The following CNBD1 variants were observed in gnomAD, a reference collection of about 807,000 sequenced individuals.
The protein encoded by CNBD1 is cyclic nucleotide-binding domain-containing protein 1.
In CNBD1, 71 loss-of-function variants were observed where a neutral mutation model predicts 54.4. That is an observed-to-expected ratio of 1.30 (90% CI 1.08 to 1.59). CNBD1 has a LOEUF of 1.59. Ranked by LOEUF, CNBD1 falls within the 40% of genes most tolerant of loss-of-function variation. The pLI is 0.00. For synonymous variants in CNBD1, 182 were observed against 170.7 expected (o/e 1.07, Z -0.51); for missense variants, 659 against 518.0 (o/e 1.27, Z -2.64).
chr8:87,213,123 G>A (rs1814135960), intron 5 of CNBD1, among the ~76,000 whole-genome samples: 1 of 152,154 alleles, frequency 6.6e-6, no homozygotes, highest in Non-Finnish European at 1.5e-5. Flanking sequence ...TTGTCATTAA[G>A]CAATTCCAAA....
intron 2 of CNBD1, among the ~76,000 whole-genome samples, chr8:87,399,737 G>A (rs78854360): frequency 0.015 from 2,280 of 152,066 alleles, 58 homozygotes; most frequent in African/African-American, 0.049. Flanking sequence ...GGGGCATTAT[G>A]GGATCTGGAG....
At chr8:87,329,433 G>T (rs530639145) in intron 8 of CNBD1, among the ~76,000 whole-genome samples, 1 of 152,030 alleles carries the variant, frequency 6.6e-6, no homozygotes, top group African/African-American at 2.4e-5. Context: ...GTCAATGTCT[G>T]CAAGGTAGCT....
At chr8:87,069,216 T>G (rs1810713859) in intron 4 of CNBD1, among the ~76,000 whole-genome samples, 1 of 152,090 alleles carries the variant, frequency 6.6e-6, no homozygotes, top group African/African-American at 2.4e-5. Flanking sequence ...TTACCCTGGC[T>G]GCCTCTGCTG....
chr8:87,081,575 G>A (rs780074033), intron 4 of CNBD1, among the ~76,000 whole-genome samples: 2 of 149,850 alleles, frequency 1.3e-5, no homozygotes, highest in South Asian at 2.1e-4. Flanking sequence ...GCGCGACCTC[G>A]GCTCACTGCA....
At chr8:86,971,951 A>G (rs564281909) in intron 4 of CNBD1, among the ~76,000 whole-genome samples, 31 of 152,094 alleles carry the variant, frequency 2.0e-4, no homozygotes, top group Admixed American at 3.3e-4. Context: ...TTAATGCATT[A>G]AATAGAACTT....
chr8:87,296,499 C>A (rs915620666), intron 8 of CNBD1, among the ~76,000 whole-genome samples: 1 of 151,986 alleles, frequency 6.6e-6, no homozygotes, highest in African/African-American at 2.4e-5. Context: ...CAAAGGGTTT[C>A]TTTGTGAATG....
intron 4 of CNBD1, among the ~76,000 whole-genome samples, chr8:86,989,271 G>A (rs1808682608): frequency 6.6e-6 from 1 of 151,392 alleles, no homozygotes; most frequent in Non-Finnish European, 1.5e-5. Flanking sequence ...CCCAGCCTGG[G>A]AGACAAAGCA....
Position 87,353,771 on chromosome 8 carries a change from G to C in CNBD1, c.1288G>C (p.Asp430His). 1 of 1,605,572 alleles carries C rather than the reference G, an allele frequency of 6.2e-7. No individual in the cohort carries two copies. Among genetic ancestry groups the C allele is most frequent in the Non-Finnish European group, 8.5e-7 (1 of 1,176,802 alleles). ...AGAAGTTGAGATGGCAATCATTGAA[G>C]ATAAGGACCTATTTGGTAAATGCAT... ...KKEVEMAIIE[D>H]KDLFVA The change falls in exon 10 of 11, where the codon GAT becomes CAT. Residue 430 changes from aspartate to histidine, a missense_variant. Asp to His is a moderately conservative substitution (Grantham distance 81). Transcript: ENST00000518476.
chr8:87,261,657 G>T (rs1221396118), intron 6 of CNBD1, among the ~76,000 whole-genome samples: 1 of 152,106 alleles, frequency 6.6e-6, no homozygotes, highest in East Asian at 1.9e-4. Context: ...GTCAATGGGT[G>T]GTTAAATTAT....
intron 2 of CNBD1, among the ~76,000 whole-genome samples, chr8:86,899,627 CAT>C (rs1298188282): frequency 2.0e-5 from 3 of 152,134 alleles, no homozygotes; most frequent in East Asian, 1.9e-4. Context: ...TTATATCTAA[CAT>C]AGAGTAATTT....
intron 3 of CNBD1, among the ~76,000 whole-genome samples, chr8:86,924,246 T>C (rs1809322057): frequency 6.6e-6 from 1 of 152,160 alleles, no homozygotes; most frequent in Non-Finnish European, 1.5e-5. Context: ...CTTGCTTGAG[T>C]GACCATATAC....
At chr8:87,157,300 C>T (rs953801007) in intron 4 of CNBD1, among the ~76,000 whole-genome samples, 2 of 152,092 alleles carry the variant, frequency 1.3e-5, no homozygotes, top group African/African-American at 4.8e-5. Context: ...CTTCTGAAAA[C>T]AGTAGAAAAA....
intron 4 of CNBD1, among the ~76,000 whole-genome samples, chr8:87,035,335 TGGATA>T: frequency 6.6e-6 from 1 of 152,314 alleles, no homozygotes; most frequent in Admixed American, 6.5e-5. Flanking sequence ...CCTTTCTCAT[TGGATA>T]CAATGTTCAA....
At chr8:87,125,903 C>T (rs546566711) in intron 4 of CNBD1, among the ~76,000 whole-genome samples, 28 of 151,896 alleles carry the variant, frequency 1.8e-4, no homozygotes, top group African/African-American at 6.3e-4. Context: ...GTTTCCATTT[C>T]CTAAAATTTA....
At chr8:87,169,721 T>A (rs1479558619) in intron 4 of CNBD1, among the ~76,000 whole-genome samples, 1 of 152,130 alleles carries the variant, frequency 6.6e-6, no homozygotes, top group Admixed American at 6.6e-5. Context: ...TTACTGTAGA[T>A]GTGTGGATTT....
intron 4 of CNBD1, among the ~76,000 whole-genome samples, chr8:87,068,480 T>C (rs1477472489): frequency 6.6e-6 from 1 of 152,006 alleles, no homozygotes; most frequent in Admixed American, 6.6e-5. Flanking sequence ...TCCAGGTGAT[T>C]AAATACGTCA....
chr8:87,110,925 A>T (rs764465060), intron 4 of CNBD1, among the ~76,000 whole-genome samples: 20 of 152,350 alleles, frequency 1.3e-4, no homozygotes, highest in Admixed American at 1.0e-3. Flanking sequence ...TCTAGTAAAG[A>T]TACCACATCT....
intron 2 of CNBD1, among the ~76,000 whole-genome samples, chr8:86,901,164 A>T (rs1429421477): frequency 6.6e-6 from 1 of 152,186 alleles, no homozygotes; most frequent in Non-Finnish European, 1.5e-5. Context: ...GATGACATAC[A>T]TTATGAAAAT....
intron 3 of CNBD1, among the ~76,000 whole-genome samples, chr8:86,911,828 C>T (rs1809104613): frequency 6.6e-6 from 1 of 151,918 alleles, no homozygotes; most frequent in Admixed American, 6.6e-5. Context: ...AGCAAACAAT[C>T]TGAAAAAGAA....
Sources: gnomAD v4.1 joint callset for allele counts (sites outside exome capture counted in the v4.1 genomes callset) on GRCh38, gnomAD v4.1.1 for gene constraint, MANE v1.5 for transcripts, NCBI Gene and HGNC (gene_info 2026-07-23, HGNC 2026-07-21) for gene names.